The following FER variants were observed in gnomAD, a reference collection of about 807,000 sequenced individuals.
FER encodes FER tyrosine kinase.
FER carries 63 observed loss-of-function variants against 111.0 expected under a neutral mutation model. The ratio of observed to expected loss-of-function variants is 0.57; its 90% CI spans 0.46 to 0.70. The LOEUF is 0.70. Among genes scored for constraint, FER ranks in the 30% least tolerant of loss-of-function variants. The pLI is 0.00. For synonymous variants in FER, 327 were observed against 313.9 expected (o/e 1.04, Z -0.44); for missense variants, 914 against 954.0 (o/e 0.96, Z 0.55).
chr5:108,956,515 T>C (rs1456985845), intron 12 of FER, among the ~76,000 whole-genome samples: 1 of 151,664 alleles, frequency 6.6e-6, no homozygotes, highest in Non-Finnish European at 1.5e-5. Flanking sequence ...TTTTTGCTTG[T>C]TTTTAATATT....
chr5:109,110,345 G>A (rs558519793), intron 17 of FER, among the ~76,000 whole-genome samples: 28 of 152,216 alleles, frequency 1.8e-4, no homozygotes, highest in African/African-American at 6.5e-4. Flanking sequence ...TTTTATATAG[G>A]GTGTTAAGAG....
chr5:109,082,900 T>C (rs1258005405), intron 16 of FER, among the ~76,000 whole-genome samples: 3 of 151,996 alleles, frequency 2.0e-5, no homozygotes, highest in Non-Finnish European at 2.9e-5. Flanking sequence ...CTGTCAGACC[T>C]ATCAAAAGAA....
intron 8 of FER, 151 bp downstream of exon 8, chr5:108,872,363 T>G: frequency 1.5e-6 from 1 of 684,786 alleles, no homozygotes; most frequent in Non-Finnish European, 2.3e-6. Flanking sequence ...ATGTTAATTT[T>G]ACTCATTTTC....
intron 16 of FER, among the ~76,000 whole-genome samples, chr5:109,093,717 CTT>C (rs1214665787): frequency 6.6e-6 from 1 of 152,084 alleles, no homozygotes; most frequent in Non-Finnish European, 1.5e-5. Flanking sequence ...TCTCACATCT[CTT>C]TTAAAAATGT....
intron 13 of FER, among the ~76,000 whole-genome samples, chr5:109,006,374 C>G (rs369118694): frequency 9.9e-5 from 15 of 152,230 alleles, no homozygotes; most frequent in Non-Finnish European, 1.9e-4. Flanking sequence ...GAGAGCTGGT[C>G]GTTTTATAAA....
intron 10 of FER, among the ~76,000 whole-genome samples, chr5:108,901,497 T>G (rs1213556005): frequency 6.6e-6 from 1 of 152,044 alleles, no homozygotes; most frequent in Non-Finnish European, 1.5e-5. Flanking sequence ...ATCTTAAAAT[T>G]TTGGAATTTC....
At chr5:108,982,114 C>T (rs191970679) in intron 13 of FER, among the ~76,000 whole-genome samples, 41 of 152,184 alleles carry the variant, frequency 2.7e-4, no homozygotes, top group African/African-American at 8.4e-4. Context: ...TGCAAATTTT[C>T]TGACTCCACC....
intron 17 of FER, among the ~76,000 whole-genome samples, chr5:109,170,343 C>G (rs1411065310): frequency 2.0e-5 from 3 of 152,110 alleles, no homozygotes; most frequent in Non-Finnish European, 2.9e-5. Context: ...AGAAATCTAT[C>G]TACTCAGGGA....
intron 14 of FER, among the ~76,000 whole-genome samples, chr5:109,043,415 A>C (rs1456097981): frequency 6.6e-6 from 1 of 152,204 alleles, no homozygotes; most frequent in Non-Finnish European, 1.5e-5. Context: ...TTTTTATGAA[A>C]ACATGATTGA....
chr5:109,024,121 C>G (rs550295282), intron 13 of FER, among the ~76,000 whole-genome samples: 1 of 152,290 alleles, frequency 6.6e-6, no homozygotes, highest in African/African-American at 2.4e-5. Flanking sequence ...ATATTTCAAG[C>G]TCAAGCAGTT....
intron 13 of FER, among the ~76,000 whole-genome samples, chr5:108,997,225 G>A (rs1764103687): frequency 7.0e-6 from 1 of 142,904 alleles, no homozygotes; most frequent in Non-Finnish European, 1.5e-5. Context: ...CTAACACGGT[G>A]AAACCCCGTC....
intron 17 of FER, among the ~76,000 whole-genome samples, chr5:109,138,791 G>A (rs1420256863): frequency 6.6e-6 from 1 of 152,206 alleles, no homozygotes; most frequent in Non-Finnish European, 1.5e-5. Flanking sequence ...AGATGATAAG[G>A]GTTTGAACTA....
chr5:108,765,189 C>T (rs1168169007), intron 1 of FER, among the ~76,000 whole-genome samples: 1 of 152,044 alleles, frequency 6.6e-6, no homozygotes, highest in Non-Finnish European at 1.5e-5. Context: ...CATGATAATA[C>T]CTTTGAAGTA....
At chr5:108,777,457 A>T (rs930409401) in intron 2 of FER, among the ~76,000 whole-genome samples, 5 of 152,180 alleles carry the variant, frequency 3.3e-5, no homozygotes, top group Admixed American at 2.0e-4. Context: ...TGTAGTTTAC[A>T]TTAGGGTTCA....
At chr5:109,022,952 G>A (rs1768128800) in intron 13 of FER, among the ~76,000 whole-genome samples, 1 of 152,100 alleles carries the variant, frequency 6.6e-6, no homozygotes, top group Non-Finnish European at 1.5e-5. Flanking sequence ...TAAGAGCAAT[G>A]GGGCATTACT....
chr5:109,176,706 T>C (rs1168800626), intron 17 of FER, among the ~76,000 whole-genome samples: 1 of 152,176 alleles, frequency 6.6e-6, no homozygotes, highest in African/African-American at 2.4e-5. Flanking sequence ...ACATATTGTA[T>C]ACACATATCA....
chr5:108,790,876 A>G (rs1245014614), intron 2 of FER, among the ~76,000 whole-genome samples: 2 of 152,180 alleles, frequency 1.3e-5, no homozygotes, highest in African/African-American at 4.8e-5. Flanking sequence ...CATTTTGAGC[A>G]TTTCTTATTA....
rs537434426 is a variant in FER, at chr5:109,051,593, TAACC to T, written c.1924+4397_1924+4400del. On this transcript the variant is annotated intron_variant, in intron 16 of 19. Coordinates refer to ENST00000281092, the MANE Select transcript of FER (RefSeq NM_005246.4). ...CAAGAAGAATTGTTTCTGTCGCCAT[TAACC>T]AGCTTGTACCCAGGAAGAGACATAG... 3,149 of 1,606,654 alleles carry T rather than the reference TAACC, an allele frequency of 2.0e-3. 8 individuals carry two copies. Among genetic ancestry groups the T allele is most frequent in the Non-Finnish European group, 2.2e-3 (2,616 of 1,173,294 alleles).
intron 9 of FER, among the ~76,000 whole-genome samples, chr5:108,891,704 G>A (rs1358654414): frequency 6.8e-6 from 1 of 147,762 alleles, no homozygotes; most frequent in Non-Finnish European, 1.5e-5. Flanking sequence ...TAGGGTACAT[G>A]TGCACAACGT....
Sources: allele counts gnomAD v4.1 joint callset (sites outside exome capture counted in the v4.1 genomes callset), GRCh38; gene constraint gnomAD v4.1.1; transcripts MANE v1.5; gene names NCBI Gene and HGNC (gene_info 2026-07-23, HGNC 2026-07-21).